ADGRL2: variants seen among roughly 807,000 people sequenced by gnomAD.
ADGRL2 encodes calcium-independent alpha-latrotoxin receptor 2.
In ADGRL2, 44 loss-of-function variants were observed where a neutral mutation model predicts 157.4. The ratio of observed to expected loss-of-function variants is 0.28; its 90% CI spans 0.22 to 0.36. The LOEUF is 0.36. ADGRL2 is among the 10% of genes least tolerant of loss of function. The pLI, the probability that ADGRL2 is intolerant of heterozygous loss-of-function variation, is 1.00. For synonymous variants in ADGRL2, 585 were observed against 624.7 expected (o/e 0.94, Z 0.95); for missense variants, 1,510 against 1,768.9 (o/e 0.85, Z 2.63).
chr1:81,960,317 G>C (rs1654927513), intron 11 of ADGRL2, among the ~76,000 whole-genome samples: 1 of 152,056 alleles, frequency 6.6e-6, no homozygotes, highest in African/African-American at 2.4e-5. Context: ...TTAACTTTCT[G>C]TTTCTTTAAT....
rs1399373256 is a variant in ADGRL2 at position 81,870,091 on chromosome 1, C to T, written c.73+33034C>T. On this transcript the variant is annotated intron_variant, in intron 2 of 23. Transcript: ENST00000686636. ...TTCGGGTTAAGTTTGTACATATTAG[C>T]GTATGTATCTGCAGATAAAACTTAC... 3.9e-5 allele frequency among the ~76,000 whole-genome samples: 6 copies of T among 152,000 alleles called. No homozygotes were observed. In the South Asian group the frequency reaches 8.3e-4, roughly 21 times the overall value.
intron 1 of ADGRL2, among the ~76,000 whole-genome samples, chr1:81,401,950 A>G (rs2076764179): frequency 1.3e-5 from 2 of 152,326 alleles, no homozygotes; most frequent in Admixed American, 6.5e-5. Flanking sequence ...ATGAGAATAA[A>G]GATTTCCCTC....
intron 19 of ADGRL2, 152 bp from the exon 20 acceptor site, chr1:81,984,431 G>T: frequency 1.4e-6 from 1 of 700,936 alleles, no homozygotes; most frequent in Non-Finnish European, 2.3e-6. Flanking sequence ...AATTTTAATT[G>T]AACTTGATTT....
At chr1:81,399,888 T>C (rs1364479672) in intron 1 of ADGRL2, among the ~76,000 whole-genome samples, 2 of 152,174 alleles carry the variant, frequency 1.3e-5, no homozygotes, top group Non-Finnish European at 2.9e-5. Flanking sequence ...GATGTTGATG[T>C]CTGTGCATCT....
At chr1:81,343,262 G>T (rs7523454) in intron 1 of ADGRL2, among the ~76,000 whole-genome samples, 1 of 150,932 alleles carries the variant, frequency 6.6e-6, no homozygotes, top group African/African-American at 2.4e-5. Flanking sequence ...GCTAATTTTC[G>T]TATTTTTAGT....
chr1:81,598,759 C>T (rs1306328408), intron 3 of ADGRL2, among the ~76,000 whole-genome samples: 2 of 152,240 alleles, frequency 1.3e-5, no homozygotes, highest in African/African-American at 2.4e-5. Context: ...GTGGCACTCA[C>T]GCCTCAGTTT....
intron 3 of ADGRL2, among the ~76,000 whole-genome samples, chr1:81,687,025 T>C (rs1168056045): frequency 1.3e-5 from 2 of 152,184 alleles, no homozygotes; most frequent in Non-Finnish European, 1.5e-5. Flanking sequence ...TTTTCTTAAA[T>C]TTATTGAGGC....
At chr1:81,595,972 A>G (rs1410622579) in intron 3 of ADGRL2, among the ~76,000 whole-genome samples, 1 of 152,094 alleles carries the variant, frequency 6.6e-6, no homozygotes, top group Non-Finnish European at 1.5e-5. Context: ...CACAGGGCGG[A>G]AGGGGTGAGG....
intron 3 of ADGRL2, among the ~76,000 whole-genome samples, chr1:81,628,916 G>A: frequency 6.6e-6 from 1 of 152,130 alleles, no homozygotes; most frequent in Non-Finnish European, 1.5e-5. Flanking sequence ...ATTTATTTTA[G>A]ATAGGCTTTA....
intron 3 of ADGRL2, among the ~76,000 whole-genome samples, chr1:81,679,461 A>C (rs1450699707): frequency 6.6e-6 from 1 of 152,156 alleles, no homozygotes; most frequent in Non-Finnish European, 1.5e-5. Context: ...CTAAATTAAT[A>C]GTTCTTCCAT....
chr1:81,319,120 T>A (rs1660320842), intron 1 of ADGRL2, among the ~76,000 whole-genome samples: 1 of 151,418 alleles, frequency 6.6e-6, no homozygotes, highest in Non-Finnish European at 1.5e-5. Context: ...TTGTATTTTT[T>A]TTTTTTAGTA....
At chr1:81,585,120 G>A (rs2080997596) in intron 3 of ADGRL2, among the ~76,000 whole-genome samples, 1 of 152,152 alleles carries the variant, frequency 6.6e-6, no homozygotes, top group African/African-American at 2.4e-5. Flanking sequence ...GCTGTTTTTA[G>A]AAGTCAAGTC....
intron 2 of ADGRL2, among the ~76,000 whole-genome samples, chr1:81,843,295 G>T (rs1192912004): frequency 6.6e-6 from 1 of 151,874 alleles, no homozygotes; most frequent in Non-Finnish European, 1.5e-5. Context: ...ACCACGCCTG[G>T]CTAATTTTTG....
At chr1:81,713,740 C>T (rs576283912) in intron 1 of ADGRL2, among the ~76,000 whole-genome samples, 49 of 152,166 alleles carry the variant, frequency 3.2e-4, no homozygotes, top group African/African-American at 1.1e-3. Flanking sequence ...TAAGTAATCG[C>T]CCAAGTTTAT....
At position 81,479,158 on chromosome 1, in the gene ADGRL2, AT is replaced by A. The variant is rs769312811; in HGVS notation, c.-248+34076del. 2.0e-5 allele frequency among the ~76,000 whole-genome samples: 3 copies of A among 151,440 alleles called. No homozygotes were observed. The Admixed American group carries it at 2.0e-4, about 10-fold the overall frequency. On this transcript the variant is annotated intron_variant, in intron 2 of 24. Coordinates refer to the ADGRL2 transcript ENST00000370721. ...CAAGATTGGCAAACTTGATTAAAAT[AT>A]TTTTTTCTTTTTTAAAAAATTTCTT...
intron 1 of ADGRL2, chr1:81,427,513 C>G (rs977665674): frequency 1.3e-6 from 1 of 750,582 alleles, no homozygotes; most frequent in Non-Finnish European, 2.4e-6. Flanking sequence ...AAATTACGAA[C>G]CCATGTAAGG....
chr1:81,947,064 G>C (rs1339280883), intron 6 of ADGRL2, among the ~76,000 whole-genome samples: 2 of 151,952 alleles, frequency 1.3e-5, no homozygotes, highest in Non-Finnish European at 2.9e-5. Flanking sequence ...CATTTCTTAG[G>C]TATTTTGTTT....
intron 1 of ADGRL2, among the ~76,000 whole-genome samples, chr1:81,700,274 T>C (rs905497729): frequency 6.6e-5 from 10 of 152,190 alleles, no homozygotes; most frequent in Admixed American, 1.3e-4. Context: ...GATGGCTTTA[T>C]TGTGGAAGAG....
chr1:81,873,772 A>AT (rs1323725495), intron 2 of ADGRL2, among the ~76,000 whole-genome samples: 2 of 152,152 alleles, frequency 1.3e-5, no homozygotes, highest in Non-Finnish European at 2.9e-5. Flanking sequence ...CCCACCCTGC[A>AT]TATGGAAATA....
Sources: allele counts gnomAD v4.1 joint callset (sites outside exome capture counted in the v4.1 genomes callset), GRCh38; gene constraint gnomAD v4.1.1; transcripts MANE v1.5; gene names NCBI Gene and HGNC (gene_info 2026-07-23, HGNC 2026-07-21).